Variants in TFEC observed in about 807,000 individuals in gnomAD.
TFEC encodes the protein transcription factor EC, also known as class E basic helix-loop-helix protein 34.
In TFEC, 31 loss-of-function variants were observed where a neutral mutation model predicts 41.6. The observed-to-expected ratio is 0.74, with a 90% CI of 0.56 to 1.01. TFEC has a LOEUF of 1.01. Ranked by LOEUF, TFEC falls within the 50% of genes least tolerant of loss-of-function variation. The pLI is 0.00. For synonymous variants in TFEC, 143 were observed against 140.6 expected, an observed-to-expected ratio of 1.02 and a Z score of -0.12; for missense variants, 402 against 404.1, an observed-to-expected ratio of 0.99 and a Z score of 0.04.
chr7:116,157,804 A>T, intron 1 of TFEC, among the ~76,000 whole-genome samples: 1 of 152,098 alleles, frequency 6.6e-6, no homozygotes, highest in Non-Finnish European at 1.5e-5. Flanking sequence ...TAATACAGTC[A>T]CACACAGAAC....
chr7:115,980,221 T>C (rs531639783), intron 2 of TFEC, among the ~76,000 whole-genome samples: 62 of 152,290 alleles, frequency 4.1e-4, no homozygotes, highest in Admixed American at 7.9e-4. Flanking sequence ...CTGCAAAATT[T>C]TTCCTTTCCT....
chr7:116,090,008 G>T (rs1315372476), intron 3 of TFEC, among the ~76,000 whole-genome samples: 1 of 152,098 alleles, frequency 6.6e-6, no homozygotes, highest in Non-Finnish European at 1.5e-5. Context: ...GGGTCTGAAG[G>T]CAGGGGACCT....
chr7:116,082,011 A>C (rs947677818), intron 3 of TFEC, among the ~76,000 whole-genome samples: 1 of 151,862 alleles, frequency 6.6e-6, no homozygotes, highest in East Asian at 1.9e-4. Flanking sequence ...AATTTTACTT[A>C]TATCTTTAGT....
At chr7:116,043,854 A>G (rs1796097082) in intron 3 of TFEC, among the ~76,000 whole-genome samples, 1 of 152,172 alleles carries the variant, frequency 6.6e-6, no homozygotes, top group African/African-American at 2.4e-5. Flanking sequence ...AATGATCCAA[A>G]TGCTATTGAG....
intron 3 of TFEC, among the ~76,000 whole-genome samples, chr7:116,073,354 T>C (rs1281438159): frequency 1.3e-5 from 2 of 151,808 alleles, no homozygotes; most frequent in African/African-American, 2.4e-5. Context: ...AGACATCCCA[T>C]GGTGATAGAT....
At chr7:115,974,013 CT>C (rs1002968280) in intron 3 of TFEC, among the ~76,000 whole-genome samples, 156 bp downstream of exon 3, 4 of 151,892 alleles carry the variant, frequency 2.6e-5, no homozygotes, top group Non-Finnish European at 4.4e-5. Flanking sequence ...ATTAGATAAC[CT>C]TTTTTTCTGC....
intron 3 of TFEC, among the ~76,000 whole-genome samples, chr7:116,080,005 A>C (rs2131052271): frequency 6.6e-6 from 1 of 152,300 alleles, no homozygotes; most frequent in South Asian, 2.1e-4. Flanking sequence ...GGAACAGAAT[A>C]GAAAACCTGG....
chr7:115,942,809 C>T (rs1793572069), intron 6 of TFEC, among the ~76,000 whole-genome samples: 1 of 151,912 alleles, frequency 6.6e-6, no homozygotes, highest in South Asian at 2.1e-4. Context: ...GAAGAGGCTA[C>T]TGATTTTGAT....
chr7:116,066,850 T>G (rs10239369), intron 3 of TFEC, among the ~76,000 whole-genome samples: 2,794 of 152,108 alleles, frequency 0.018, 80 homozygotes, highest in African/African-American at 0.063. Context: ...CTAGGCACCG[T>G]TTAGTTTACA....
chr7:116,003,362 T>C (rs1010827182), intron 1 of TFEC, among the ~76,000 whole-genome samples: 1 of 152,116 alleles, frequency 6.6e-6, no homozygotes, highest in African/African-American at 2.4e-5. Context: ...AGAGCAGGCC[T>C]CACAGCAAGG....
At chr7:116,110,880 T>C (rs1267596729) in exon 3 of TFEC, 1 of 1,540,276 alleles carries the variant, frequency 6.5e-7, no homozygotes, top group South Asian at 1.2e-5. Flanking sequence ...CAGCTGAAAT[T>C]GAAGTCCAGT....
intron 3 of TFEC, among the ~76,000 whole-genome samples, chr7:116,036,644 TC>T (rs1795918141): frequency 6.6e-6 from 1 of 152,082 alleles, no homozygotes; most frequent in Non-Finnish European, 1.5e-5. Context: ...ATACCTGCCA[TC>T]TGTCAGGCAG....
intron 3 of TFEC, among the ~76,000 whole-genome samples, chr7:116,097,222 G>T (rs1045801723): frequency 6.6e-6 from 1 of 152,180 alleles, no homozygotes; most frequent in Non-Finnish European, 1.5e-5. Flanking sequence ...TGTAGACCGT[G>T]ACAGTAGACA....
intron 3 of TFEC, among the ~76,000 whole-genome samples, chr7:116,092,234 G>A (rs1797345758): frequency 6.6e-6 from 1 of 152,142 alleles, no homozygotes. Flanking sequence ...TAAGGTTCAA[G>A]TGGAAAGAAT....
chr7:116,148,934 T>C (rs1182810752), intron 1 of TFEC, among the ~76,000 whole-genome samples: 2 of 150,538 alleles, frequency 1.3e-5, no homozygotes, highest in East Asian at 3.9e-4. Flanking sequence ...GACTAATCTC[T>C]GAGAAACTTT....
At chr7:116,100,118 TA>T (rs1179426014) in intron 3 of TFEC, among the ~76,000 whole-genome samples, 1 of 152,210 alleles carries the variant, frequency 6.6e-6, no homozygotes, top group Non-Finnish European at 1.5e-5. Flanking sequence ...ATCAAATGGC[TA>T]AAAGTTAATA....
rs1028472162 is a variant in TFEC at position 115,939,648 on chromosome 7, T to C, written c.*903A>G. 3.9e-5 allele frequency: 6 copies of C among 152,042 alleles called. No homozygotes were observed. Among genetic ancestry groups the C allele is most frequent in the Non-Finnish European group, 7.4e-5 (5 of 67,970 alleles). The allele number at this position is 152,042 out of a possible 1,614,324, so 9.4% of individuals were successfully genotyped here. A position where few individuals can be genotyped will look rare whatever the true frequency, so the allele number is the denominator to read the frequency against. ...TTGCAGGGGGACATTTTATATTTTA[T>C]TTACTAAAATTGATGATCTGACATC... On this transcript the variant is annotated 3_prime_UTR_variant, in exon 8 of 8. Transcript: ENST00000265440.
chr7:115,975,196 A>T (rs1793326081), intron 2 of TFEC, among the ~76,000 whole-genome samples: 1 of 147,818 alleles, frequency 6.8e-6, no homozygotes, highest in African/African-American at 2.4e-5. Flanking sequence ...TTTAAAGTTT[A>T]TATGTTTAAA....
intron 3 of TFEC, among the ~76,000 whole-genome samples, chr7:116,052,132 G>GAGAC (rs371547036): frequency 4.3e-3 from 649 of 151,616 alleles, no homozygotes; most frequent in African/African-American, 0.015. Context: ...GGTCAAGGTA[G>GAGAC]AGACACCAAG....
Sources: gnomAD v4.1 joint callset for allele counts (sites outside exome capture counted in the v4.1 genomes callset) on GRCh38, gnomAD v4.1.1 for gene constraint, MANE v1.5 for transcripts, NCBI Gene and HGNC (gene_info 2026-07-23, HGNC 2026-07-21) for gene names.